Variants in SIPA1L2 observed in about 807,000 individuals in gnomAD.
SIPA1L2 encodes the protein signal-induced proliferation-associated 1-like protein 2.
Under a neutral mutation model 163.9 loss-of-function variants are expected in SIPA1L2, and 56 were observed. That is an observed-to-expected ratio of 0.34 (90% CI 0.28 to 0.43). The LOEUF is 0.43. Ranked by LOEUF, SIPA1L2 falls within the 20% of genes least tolerant of loss-of-function variation. SIPA1L2 has a pLI of 1.00. For synonymous variants in SIPA1L2, 877 were observed against 865.7 expected (o/e 1.01, Z -0.23); for missense variants, 1,974 against 2,193.5 (o/e 0.90, Z 2.00).
At chr1:232,399,907 T>C (rs1660231372) in intron 22 of SIPA1L2, among the ~76,000 whole-genome samples, 1 of 152,140 alleles carries the variant, frequency 6.6e-6, no homozygotes, top group African/African-American at 2.4e-5. Flanking sequence ...CACTGTCAGA[T>C]TGTAATAATC....
chr1:232,546,056 A>G (rs1252127633), intron 2 of SIPA1L2, among the ~76,000 whole-genome samples: 20 of 152,254 alleles, frequency 1.3e-4, no homozygotes, highest in Non-Finnish European at 2.9e-4. Flanking sequence ...CAGATCACAG[A>G]AAAGCATCAT....
chr1:232,465,253 G>C lies in SIPA1L2; in HGVS notation c.2407C>G (p.Arg803Gly), dbSNP rs1384769124. ...TCTTTCAAGTACTCCTGCCTCGTTC[G>C]AGTGGCCATTGCTCGAAACTTTTCT... Reference protein sequence around the residue: ...KSEKFRAMATRTRQEYLKDLA... With the variant: ...KSEKFRAMATGTRQEYLKDLA... The change falls in exon 9 of 23, where the codon CGA becomes GGA. Residue 803 changes from arginine to glycine, a missense_variant. Around this residue, in one of 3 missense-constraint regions of SIPA1L2, gnomAD observed 288 missense variants for 418.9 expected, o/e 0.69. Coordinates refer to ENST00000674635, the MANE Select transcript of SIPA1L2 (RefSeq NM_020808.5). This position sits in a 1 kb window ranked among gnomAD's most constrained non-coding sequence, Gnocchi z 4.1. 4 of 1,614,038 alleles carry C rather than the reference G, an allele frequency of 2.5e-6. No individual in the cohort carries two copies. The highest frequency in any genetic ancestry group is 3.4e-6 in the Non-Finnish European group (4 of 1,180,042).
At chr1:232,523,285 C>G (rs2103065019) in intron 2 of SIPA1L2, among the ~76,000 whole-genome samples, 1 of 152,276 alleles carries the variant, frequency 6.6e-6, no homozygotes, top group African/African-American at 2.4e-5. Flanking sequence ...GACAGAAGAA[C>G]AGCTGTGAGT....
intron 1 of SIPA1L2, among the ~76,000 whole-genome samples, chr1:232,619,141 C>T (rs1662662554): frequency 1.3e-5 from 2 of 152,214 alleles, no homozygotes; most frequent in Non-Finnish European, 2.9e-5. Flanking sequence ...TGAGAGTGTT[C>T]TGTATGTATC....
intron 2 of SIPA1L2, among the ~76,000 whole-genome samples, chr1:232,541,271 CATAACATAACATAACAT>C (rs1336185045): frequency 7.0e-6 from 1 of 143,040 alleles, no homozygotes; most frequent in Non-Finnish European, 1.5e-5. Flanking sequence ...CATAACATAA[CATAACATAACATAACAT>C]AACATAACAT....
rs1177060877 is a variant in SIPA1L2, at chr1:232,479,644, G to C, written c.2068C>G (p.Pro690Ala). 1 of 1,613,466 alleles carries C rather than the reference G, an allele frequency of 6.2e-7. No individual in the cohort carries two copies. The highest frequency in any genetic ancestry group is 8.5e-7 in the Non-Finnish European group (1 of 1,179,642). Residue 690 changes from proline to alanine, a missense_variant, in exon 7 of 23, where the codon CCC becomes GCC. Physicochemically the swap from Pro to Ala is conservative, Grantham distance 27. Transcript: ENST00000674635. ...FHVSTLLPYM[P>A]NNRQQLLRKR... ...GGACATACCTGTTGTCTGTTGTTGG[G>C]CATGTAGGGAAGCAGGGTTGACACG...
chr1:232,423,275 C>T (rs1433407134), intron 18 of SIPA1L2, among the ~76,000 whole-genome samples: 1 of 152,180 alleles, frequency 6.6e-6, no homozygotes, highest in Non-Finnish European at 1.5e-5. Flanking sequence ...ATATTTTCAA[C>T]TTATGGTGGG....
chr1:232,430,830 T>C (rs1572886675), intron 16 of SIPA1L2, among the ~76,000 whole-genome samples: 1 of 152,184 alleles, frequency 6.6e-6, no homozygotes, highest in South Asian at 2.1e-4. Flanking sequence ...CCCAAGAGCA[T>C]GTGTGGGGAC....
chr1:232,579,026 C>G (rs934787165), intron 1 of SIPA1L2, among the ~76,000 whole-genome samples: 1 of 152,186 alleles, frequency 6.6e-6, no homozygotes, highest in Non-Finnish European at 1.5e-5. Flanking sequence ...AAAGGTTCTC[C>G]CCTGTTCCCT....
chr1:232,516,561 C>T (rs1222800508), intron 2 of SIPA1L2, among the ~76,000 whole-genome samples: 1 of 152,118 alleles, frequency 6.6e-6, no homozygotes, highest in Non-Finnish European at 1.5e-5. Flanking sequence ...TTGCCATATC[C>T]TAAAATATCA....
At chr1:232,590,850 G>C (rs539781430) in intron 1 of SIPA1L2, among the ~76,000 whole-genome samples, 13 of 152,362 alleles carry the variant, frequency 8.5e-5, no homozygotes, top group Admixed American at 3.9e-4. Flanking sequence ...TTAGAGAAGT[G>C]ACTCTAAGAG....
At chr1:232,500,793 A>T (rs564904544) in intron 3 of SIPA1L2, among the ~76,000 whole-genome samples, 1 of 152,322 alleles carries the variant, frequency 6.6e-6, no homozygotes, top group Non-Finnish European at 1.5e-5. Flanking sequence ...AGAGTTTCCA[A>T]TTTTGAAAGA....
chr1:232,587,013 C>T (rs13376102), intron 1 of SIPA1L2, among the ~76,000 whole-genome samples: 77,303 of 152,054 alleles, frequency 0.51, 20,490 homozygotes, highest in East Asian at 0.75. Flanking sequence ...CTGAGGATGA[C>T]GGTATCACAG....
chr1:232,541,992 A>G (rs12723021), intron 2 of SIPA1L2, among the ~76,000 whole-genome samples: 4,426 of 151,974 alleles, frequency 0.029, 80 homozygotes, highest in Middle Eastern at 0.048. Flanking sequence ...AACCCTTAAC[A>G]GAAGACAAAC....
intron 7 of SIPA1L2, among the ~76,000 whole-genome samples, chr1:232,477,427 T>G (rs576899873): frequency 6.6e-6 from 1 of 152,328 alleles, no homozygotes; most frequent in African/African-American, 2.4e-5. Context: ...GTTCACTCAT[T>G]CATTCATTAT....
At chr1:232,597,547 G>A (rs1346885387) in intron 1 of SIPA1L2, among the ~76,000 whole-genome samples, 4 of 151,104 alleles carry the variant, frequency 2.6e-5, no homozygotes, top group Admixed American at 6.6e-5. Flanking sequence ...AAAATTAGCC[G>A]GGCGTGATGG....
chr1:232,546,629 A>G (rs1449745865), intron 2 of SIPA1L2, among the ~76,000 whole-genome samples: 1 of 152,194 alleles, frequency 6.6e-6, no homozygotes, highest in East Asian at 1.9e-4. Context: ...GTAGTGCACT[A>G]ATGAACACAG....
intron 1 of SIPA1L2, among the ~76,000 whole-genome samples, chr1:232,588,185 T>G (rs1169771008): frequency 6.6e-6 from 1 of 152,208 alleles, no homozygotes; most frequent in Non-Finnish European, 1.5e-5. Context: ...GGTCAGCACC[T>G]GTGGGGTGGA....
chr1:232,520,309 C>T (rs1305457302), intron 2 of SIPA1L2, among the ~76,000 whole-genome samples: 1 of 152,156 alleles, frequency 6.6e-6, no homozygotes, highest in Non-Finnish European at 1.5e-5. Context: ...ACAGAAACCC[C>T]ACAGGTAGTG....
Sources: gnomAD v4.1 joint callset for allele counts (sites outside exome capture counted in the v4.1 genomes callset) on GRCh38, gnomAD v4.1.1 for gene constraint, gnomAD v4.1.1 regional missense constraint, Gnocchi (gnomAD v3.1) non-coding constraint, MANE v1.5 for transcripts, NCBI Gene and HGNC (gene_info 2026-07-23, HGNC 2026-07-21) for gene names.